The following SLC2A9 variants were observed in gnomAD, a reference collection of about 807,000 sequenced individuals.
SLC2A9 encodes solute carrier family 2 member 9, also known as solute carrier family 2, facilitated glucose transporter member 9.
In SLC2A9, 39 loss-of-function variants were observed where a neutral mutation model predicts 50.6. The observed-to-expected ratio is 0.77, with a 90% confidence interval of 0.60 to 1.01. The LOEUF is 1.01. Ranked by LOEUF, SLC2A9 falls within the 50% of genes least tolerant of loss-of-function variation. The pLI, the probability that SLC2A9 is intolerant of heterozygous loss-of-function variation, is 0.00. For synonymous variants in SLC2A9, 324 were observed against 276.9 expected, an observed-to-expected ratio of 1.17 and a Z score of -1.69; for missense variants, 686 against 677.6, an observed-to-expected ratio of 1.01 and a Z score of -0.14.
At chr4:9,920,337 C>T (rs1743688574) in intron 7 of SLC2A9, 48 bp downstream of exon 7, 1 of 1,607,050 alleles carries the variant, frequency 6.2e-7, no homozygotes, top group South Asian at 1.1e-5. Flanking sequence ...TCCCCACCCT[C>T]TGATCCCTCC....
chr4:9,806,330 G>A (rs142080387), intron 3 of SLC2A9, among the ~76,000 whole-genome samples: 48 of 152,358 alleles, frequency 3.2e-4, no homozygotes, highest in African/African-American at 1.1e-3. Flanking sequence ...CAGCATGAGC[G>A]ATCTGTGCCT....
At chr4:10,036,162 A>G (rs776719070) in intron 1 of SLC2A9, 1 of 153,504 alleles carries the variant, frequency 6.5e-6, no homozygotes, top group Non-Finnish European at 1.4e-5. Context: ...AACAGATTAT[A>G]ACACGTTTTC....
intron 9 of SLC2A9, among the ~76,000 whole-genome samples, chr4:9,890,400 G>C (rs1737155022): frequency 6.6e-6 from 1 of 152,164 alleles, no homozygotes; most frequent in African/African-American, 2.4e-5. Context: ...CCAGAAGTCA[G>C]GTCTCTCATC....
In SLC2A9 at chr4:10,028,851, G is replaced by A. The variant is rs573755312; in HGVS notation, c.-40-2845C>T. 2.6e-5 allele frequency among the ~76,000 whole-genome samples: 4 copies of A among 152,290 alleles called. No homozygotes were observed. The South Asian group carries it at 8.3e-4, about 32-fold the overall frequency. Reference sequence around the variant, plus strand: ...CACTAATCACAGAACTTCCCCCACAGCATATCCAGCACTCCCAGCATTGCA... The same window carrying A: ...CACTAATCACAGAACTTCCCCCACAACATATCCAGCACTCCCAGCATTGCA... On this transcript the variant is annotated intron_variant, in intron 1 of 12. Transcript: ENST00000309065.
At chr4:9,824,019 C>T (rs1724764808), downstream of SLC2A9, among the ~76,000 whole-genome samples, 1 of 152,248 alleles carries the variant, frequency 6.6e-6, no homozygotes, top group Admixed American at 6.5e-5. Flanking sequence ...CTCTAAAAGT[C>T]ATGTTGAAAT....
At chr4:9,848,807 C>T (rs952250066) in intron 10 of SLC2A9, among the ~76,000 whole-genome samples, 1 of 151,730 alleles carries the variant, frequency 6.6e-6, no homozygotes, top group African/African-American at 2.4e-5. Flanking sequence ...CAGTTTCACG[C>T]CATTCTCCTG....
chr4:9,794,371 G>C (rs964588836), downstream of SLC2A9, among the ~76,000 whole-genome samples: 2 of 152,144 alleles, frequency 1.3e-5, no homozygotes, highest in African/African-American at 4.8e-5. Flanking sequence ...GGTCAGGTTG[G>C]TCTCAAACTC....
chr4:9,814,152 G>T (rs1723248785), intron 3 of SLC2A9, among the ~76,000 whole-genome samples: 3 of 152,002 alleles, frequency 2.0e-5, no homozygotes, highest in South Asian at 2.1e-4. Context: ...AAATGAAAAA[G>T]AAATGGATAG....
chr4:9,942,281 C>G (rs1578003513), intron 5 of SLC2A9, among the ~76,000 whole-genome samples: 1 of 152,232 alleles, frequency 6.6e-6, no homozygotes, highest in East Asian at 1.9e-4. Flanking sequence ...TAGTGACCTG[C>G]AAGGTAGCTC....
chr4:9,968,496 A>T (rs139616629), intron 5 of SLC2A9, among the ~76,000 whole-genome samples: 66 of 152,270 alleles, frequency 4.3e-4, no homozygotes, highest in African/African-American at 1.6e-3. Context: ...CTAGAAAAGC[A>T]ATGTTTCTTT....
At chr4:10,023,581 A>G (rs1478526229), upstream of SLC2A9, among the ~76,000 whole-genome samples, 1 of 152,194 alleles carries the variant, frequency 6.6e-6, no homozygotes, top group Non-Finnish European at 1.5e-5. Context: ...AGTGGACATG[A>G]ATGTGCAGCT....
chr4:9,937,995 A>G (rs982851722), intron 6 of SLC2A9, among the ~76,000 whole-genome samples: 5 of 152,220 alleles, frequency 3.3e-5, no homozygotes, highest in Non-Finnish European at 5.9e-5. Context: ...GATCACACAG[A>G]TTCTTTTTAT....
At chr4:9,998,618 A>G (rs1260342854) in intron 2 of SLC2A9, among the ~76,000 whole-genome samples, 1 of 152,194 alleles carries the variant, frequency 6.6e-6, no homozygotes, top group African/African-American at 2.4e-5. Flanking sequence ...AGATGCCTGT[A>G]GCCTACAACT....
At chr4:9,811,091 A>G (rs1722830237) in intron 3 of SLC2A9, among the ~76,000 whole-genome samples, 1 of 152,218 alleles carries the variant, frequency 6.6e-6, no homozygotes. Context: ...GGCTGAGCAC[A>G]TGACCAAGCT....
In SLC2A9 at chr4:10,030,320, C is replaced by G. The variant is rs555345053; in HGVS notation, c.-40-4314G>C. ...CCAAAAGATCACATTGTACCACACACATATGTACAATTATTTGTCAATCAA... is the reference window on the plus strand; with the variant it reads ...CCAAAAGATCACATTGTACCACACAGATATGTACAATTATTTGTCAATCAA... On this transcript the variant is annotated intron_variant, in intron 1 of 12. Coordinates refer to the SLC2A9 transcript ENST00000309065. Among the ~76,000 whole-genome samples, 10 of 152,246 alleles carry G rather than the reference C, an allele frequency of 6.6e-5. No homozygotes were observed. The South Asian group carries it at 2.1e-3, about 32-fold the overall frequency.
At chr4:9,949,265 T>C (rs1048899986) in intron 5 of SLC2A9, among the ~76,000 whole-genome samples, 3 of 152,206 alleles carry the variant, frequency 2.0e-5, no homozygotes, top group Non-Finnish European at 4.4e-5. Flanking sequence ...GGCAGGTGTT[T>C]AGTAAATGCC....
At chr4:9,929,841 T>C (rs751830295) in intron 6 of SLC2A9, among the ~76,000 whole-genome samples, 5 of 152,168 alleles carry the variant, frequency 3.3e-5, no homozygotes, top group Admixed American at 6.5e-5. Context: ...TTCACAGTCC[T>C]GGAGGCCAGA....
At chr4:9,791,257 A>C (rs531524353) in intron 3 of SLC2A9, among the ~76,000 whole-genome samples, 1 of 152,372 alleles carries the variant, frequency 6.6e-6, no homozygotes, top group African/African-American at 2.4e-5. Context: ...GTGGAATACA[A>C]AATTAAAATA....
rs781347408 is a variant in SLC2A9, at chr4:9,782,866, G to T, written n.386-2801C>A. On this transcript the variant is annotated intron_variant and non_coding_transcript_variant, in intron 3 of 3. Transcript: ENST00000503803. ...GCTGCCGGAGCAGCGCAGCCTGCGC[G>T]CCCGACACCAGCCTGCGCGCTTCCA... 4 of 1,608,160 alleles carry T rather than the reference G, an allele frequency of 2.5e-6. No homozygotes were observed. The Admixed American group carries it at 6.7e-5, about 27-fold the overall frequency.
Sources: allele counts gnomAD v4.1 joint callset (sites outside exome capture counted in the v4.1 genomes callset), GRCh38; gene constraint gnomAD v4.1.1; transcripts MANE v1.5; gene names NCBI Gene and HGNC (gene_info 2026-07-23, HGNC 2026-07-21).